FAM107B: variants seen among roughly 807,000 people sequenced by gnomAD.
The protein encoded by FAM107B is protein FAM107B.
A neutral mutation model predicts 31.5 loss-of-function variants in FAM107B; 21 were observed. That is an observed-to-expected ratio of 0.67 (90% CI 0.47 to 0.96). The LOEUF is 0.96. Ranked by LOEUF, FAM107B falls within the 40% of genes least tolerant of loss-of-function variation. The pLI is 0.00. For synonymous variants in FAM107B, 157 were observed against 141.5 expected (o/e 1.11, Z -0.78); for missense variants, 452 against 377.1 (o/e 1.20, Z -1.64).
At chr10:14,666,861 C>A (rs1471743956) in intron 2 of FAM107B, among the ~76,000 whole-genome samples, 1 of 152,158 alleles carries the variant, frequency 6.6e-6, no homozygotes, top group Non-Finnish European at 1.5e-5. Context: ...TTTCCTCCCA[C>A]TTTGCATACT....
intron 1 of FAM107B, among the ~76,000 whole-genome samples, chr10:14,773,807 A>C (rs1341400236): frequency 6.6e-6 from 1 of 152,180 alleles, no homozygotes; most frequent in Non-Finnish European, 1.5e-5. Context: ...CTTTGATATC[A>C]TGTGATTCAT....
chr10:14,578,716 C>T (rs1170230258), intron 2 of FAM107B, among the ~76,000 whole-genome samples: 3 of 152,150 alleles, frequency 2.0e-5, no homozygotes, highest in African/African-American at 7.2e-5. Flanking sequence ...AATTCCTGTT[C>T]AGCAAAAGAA....
chr10:14,587,445 C>T (rs948359908), intron 2 of FAM107B, among the ~76,000 whole-genome samples: 3 of 152,112 alleles, frequency 2.0e-5, no homozygotes, highest in Non-Finnish European at 4.4e-5. Flanking sequence ...CAGACACAGT[C>T]GACAAAGATA....
At chr10:14,536,572 T>A (rs939996257) in intron 2 of FAM107B, among the ~76,000 whole-genome samples, 2 of 152,168 alleles carry the variant, frequency 1.3e-5, no homozygotes, top group African/African-American at 4.8e-5. Context: ...GGTAAGAATT[T>A]TTCCCAAAGT....
intron 2 of FAM107B, among the ~76,000 whole-genome samples, chr10:14,559,573 CTTT>C (rs113934155): frequency 2.1e-5 from 3 of 143,824 alleles, no homozygotes; most frequent in East Asian, 2.0e-4. Flanking sequence ...TTTCAGAGGA[CTTT>C]TTTTTTTTTT....
In FAM107B at chr10:14,663,822, G is replaced by A. The variant is rs900437682; in HGVS notation, c.469+3812C>T. Among the ~76,000 whole-genome samples, 2 of 120,650 alleles carry A rather than the reference G, an allele frequency of 1.7e-5. 1 individual carries two copies. Among genetic ancestry groups the A allele is most frequent in the South Asian group, 5.3e-4 (2 of 3,762 alleles). The allele number at this position is 120,650 out of a possible 152,430, so 79.2% of individuals were successfully genotyped here. On this transcript the variant is annotated intron_variant, in intron 2 of 4. Transcript: ENST00000181796. ...TCATTATCACGTGGGTGGCTCCTAC[G>A]AATATGAATACAAATTATAGAACTC...
intron 2 of FAM107B, among the ~76,000 whole-genome samples, chr10:14,635,135 A>AAGGG (rs369224420): frequency 0.046 from 6,323 of 137,400 alleles, 283 homozygotes; most frequent in African/African-American, 0.11. Context: ...GAAAGGAAGG[A>AAGGG]AGGGAGGGAG....
At chr10:14,673,165 T>C (rs1322221847) in intron 1 of FAM107B, among the ~76,000 whole-genome samples, 2 of 152,226 alleles carry the variant, frequency 1.3e-5, no homozygotes, top group East Asian at 3.8e-4. Flanking sequence ...TTCTAGCTAT[T>C]TGAAAATATA....
chr10:14,546,247 C>T (rs1848680900), intron 2 of FAM107B, among the ~76,000 whole-genome samples: 1 of 152,200 alleles, frequency 6.6e-6, no homozygotes, highest in African/African-American at 2.4e-5. Flanking sequence ...CACACAGTGG[C>T]AAAGCTCGGA....
intron 1 of FAM107B, among the ~76,000 whole-genome samples, chr10:14,763,295 TG>T (rs2131593219): frequency 6.6e-6 from 1 of 152,318 alleles, no homozygotes; most frequent in African/African-American, 2.4e-5. Context: ...GGACAGATTC[TG>T]GTGACTTTGT....
At chr10:14,541,972 T>C (rs976189290) in intron 2 of FAM107B, among the ~76,000 whole-genome samples, 3 of 152,100 alleles carry the variant, frequency 2.0e-5, no homozygotes, top group Admixed American at 2.0e-4. Context: ...ACGTACTGAA[T>C]GGGCCGGGCA....
intron 2 of FAM107B, among the ~76,000 whole-genome samples, chr10:14,542,028 C>A (rs932421791): frequency 6.6e-6 from 1 of 152,074 alleles, no homozygotes; most frequent in Non-Finnish European, 1.5e-5. Flanking sequence ...GAGGCTGAGG[C>A]AGGCAGATCA....
At chr10:14,703,942 T>C (rs1439573067) in intron 1 of FAM107B, among the ~76,000 whole-genome samples, 1 of 152,204 alleles carries the variant, frequency 6.6e-6, no homozygotes, top group Non-Finnish European at 1.5e-5. Context: ...AGAGCAAACA[T>C]TTTTAAAGGG....
intron 2 of FAM107B, among the ~76,000 whole-genome samples, chr10:14,559,284 C>T (rs1322335709): frequency 6.6e-6 from 1 of 152,194 alleles, no homozygotes; most frequent in East Asian, 1.9e-4. Context: ...TTCTCCCCCA[C>T]CTCCAGGACC....
At chr10:14,628,078 CTGTT>C (rs1014453459) in intron 2 of FAM107B, among the ~76,000 whole-genome samples, 1 of 126,950 alleles carries the variant, frequency 7.9e-6, no homozygotes, top group Non-Finnish European at 1.7e-5. Context: ...CTCTTTCTTT[CTGTT>C]TGTTTCCTTG....
intron 1 of FAM107B, among the ~76,000 whole-genome samples, chr10:14,672,125 T>G (rs1464268226): frequency 1.3e-5 from 2 of 149,940 alleles, no homozygotes; most frequent in Non-Finnish European, 3.0e-5. Context: ...TGAGGCAAAG[T>G]CTTGCTCTGT....
At chr10:14,600,315 C>T (rs1416440564) in intron 2 of FAM107B, among the ~76,000 whole-genome samples, 2 of 152,208 alleles carry the variant, frequency 1.3e-5, no homozygotes, top group African/African-American at 2.4e-5. Context: ...TTTCCCGATC[C>T]ACCTTCAATC....
chr10:14,537,898 T>G lies in FAM107B; in HGVS notation c.470-7383A>C, dbSNP rs370038603. ...TGCCTACAACACAGTAAGCCTTCAA[T>G]AGACATCACCTGCTATTAGCGCTGT... On this transcript the variant is annotated intron_variant, in intron 2 of 4. Coordinates refer to ENST00000181796, the MANE Select transcript of FAM107B (RefSeq NM_031453.4). 1.5e-4 allele frequency among the ~76,000 whole-genome samples: 22 copies of G among 150,698 alleles called. No individual in the cohort carries two copies. In the East Asian group the frequency reaches 2.1e-3, roughly 15 times the overall value.
intron 1 of FAM107B, among the ~76,000 whole-genome samples, chr10:14,708,708 G>A (rs1170717851): frequency 6.6e-6 from 1 of 152,148 alleles, no homozygotes; most frequent in Non-Finnish European, 1.5e-5. Context: ...AAGACTAGGA[G>A]AAAATATTTG....
Sources: allele counts gnomAD v4.1 joint callset (sites outside exome capture counted in the v4.1 genomes callset), GRCh38; gene constraint gnomAD v4.1.1; transcripts MANE v1.5; gene names NCBI Gene and HGNC (gene_info 2026-07-23, HGNC 2026-07-21).